Variants in INPP5F observed in about 807,000 individuals in gnomAD.
INPP5F encodes the protein phosphatidylinositide 4-phosphatase SAC2.
Under a neutral mutation model 137.2 loss-of-function variants are expected in INPP5F, and 97 were observed. The observed-to-expected ratio is 0.71, with a 90% CI of 0.60 to 0.84. The LOEUF is 0.84. INPP5F is among the 40% of genes least tolerant of loss of function. The probability of loss-of-function intolerance (pLI) is 0.00; values close to 1 mark genes in which losing one functional copy is unlikely to be tolerated. For synonymous variants in INPP5F, 504 were observed against 476.9 expected, an observed-to-expected ratio of 1.06 and a Z score of -0.74; for missense variants, 1,271 against 1,371.9, an observed-to-expected ratio of 0.93 and a Z score of 1.16.
chr10:119,784,295 G>T (rs1188248954), intron 3 of INPP5F, among the ~76,000 whole-genome samples: 3 of 152,084 alleles, frequency 2.0e-5, no homozygotes, highest in Non-Finnish European at 2.9e-5. Context: ...AGTTTTGGTG[G>T]GTGTTTCCAT....
In INPP5F at chr10:119,787,529, G is replaced by A. The variant is rs530485790; in HGVS notation, c.316-3988G>A. ...GGAGGCGGAGGTTGCAGCAAGCTGA[G>A]ATCGCGCCATTGCACTCTAGCTTGG... On this transcript the variant is annotated intron_variant, in intron 3 of 19. Transcript: ENST00000650623. This position sits in a 1 kb window ranked among gnomAD's most constrained non-coding sequence, Gnocchi z 4.1. 1.3e-5 allele frequency among the ~76,000 whole-genome samples: 2 copies of A among 151,952 alleles called. No individual in the cohort carries two copies. Among genetic ancestry groups the A allele is most frequent in the South Asian group, 4.2e-4 (2 of 4,802 alleles).
At chr10:119,826,496 T>TATC (rs1192175286) in intron 19 of INPP5F, 135 bp from the exon 20 acceptor site, 2 of 686,648 alleles carry the variant, frequency 2.9e-6, no homozygotes, top group African/African-American at 1.8e-5. Flanking sequence ...CTCTGAGGGT[T>TATC]ATCTGTCAGT....
chr10:119,827,486 A>G lies in INPP5F; in HGVS notation c.3105A>G (p.Ala1035=). The G allele has an allele frequency of 6.2e-7, 1 of 1,614,222 alleles. No individual in the cohort carries two copies. Among genetic ancestry groups the G allele is most frequent in the Non-Finnish European group, 8.5e-7 (1 of 1,180,030 alleles). ...CAGTTGAGCCAGCGCATTCAGTTGC[A>G]TCTCAAAAAACCCCCACCTCCGCTT... ...FLSVEPAHSV[A]SQKTPTSASS... Residue 1035 remains alanine (A), a synonymous_variant, in exon 20 of 20, where the codon GCA becomes GCG. Transcript: ENST00000650623.
In INPP5F at chr10:119,726,353, CG is replaced by C; in HGVS notation, c.92del (p.Arg31HisfsTer18). ...CCGCCGCGACGGCGGCCTCCAGCTC[CG>C]ACCCGGTGAGGCTGGCGGTGCGGGC... is the stretch of plus-strand genomic sequence containing the variant. Reference protein sequence around the residue: ...CSRRDGGLQLRPATDLLLAWN... With the variant: ...CSRRDGGLQLXPATDLLLAWN... On this transcript the variant is annotated frameshift_variant, in exon 1 of 20. Transcript: ENST00000650623. LOFTEE classifies it high-confidence loss of function. The C allele has an allele frequency of 7.1e-7, 1 of 1,417,212 alleles. No individual in the cohort carries two copies. 87.8% of individuals were successfully genotyped at this position (1,417,212 alleles called of 1,614,324 possible).
chr10:119,767,127 A>AAAAAAC (rs1849196010), intron 2 of INPP5F, among the ~76,000 whole-genome samples: 4 of 149,658 alleles, frequency 2.7e-5, no homozygotes, highest in African/African-American at 9.8e-5. Context: ...AAAAAAAAAA[A>AAAAAAC]AAAAAACCTA....
chr10:119,797,026 A>C (rs1412689519), intron 7 of INPP5F, 113 bp downstream of exon 7: 6 of 1,059,532 alleles, frequency 5.7e-6, no homozygotes, highest in Non-Finnish European at 8.5e-6. Flanking sequence ...GTTGGCTTCA[A>C]AGTGCTTGGG....
At chr10:119,820,100 G>C (rs1851495251) in intron 15 of INPP5F, among the ~76,000 whole-genome samples, 2 of 152,150 alleles carry the variant, frequency 1.3e-5, no homozygotes, top group Admixed American at 1.3e-4. Flanking sequence ...CCTTAATTCA[G>C]ATTCTGCCTG....
intron 16 of INPP5F, among the ~76,000 whole-genome samples, chr10:119,822,057 A>G (rs1254245381): frequency 6.6e-6 from 1 of 151,592 alleles, no homozygotes; most frequent in Non-Finnish European, 1.5e-5. Flanking sequence ...CGCCCAGCTA[A>G]TTTTGTATTT....
At chr10:119,754,285 T>C (rs1443173172) in intron 2 of INPP5F, among the ~76,000 whole-genome samples, 1 of 152,204 alleles carries the variant, frequency 6.6e-6, no homozygotes, top group East Asian at 1.9e-4. Context: ...AGAAGCTGTC[T>C]CCTACAAATA....
chr10:119,771,334 A>T (rs1362447072), intron 2 of INPP5F, among the ~76,000 whole-genome samples: 1 of 151,966 alleles, frequency 6.6e-6, no homozygotes, highest in African/African-American at 2.4e-5. Flanking sequence ...TAGATAGACT[A>T]TGTTTTGTCT....
In INPP5F at chr10:119,796,921, G is replaced by C. The variant is rs756077795; in HGVS notation, c.868+8G>C. 6.2e-7 allele frequency: 1 copy of C among 1,611,240 alleles called. No homozygotes were observed. The highest frequency in any genetic ancestry group is 8.5e-7 in the Non-Finnish European group (1 of 1,177,436). On this transcript the variant is annotated splice_region_variant and intron_variant, in intron 7 of 19. Coordinates refer to ENST00000650623, the MANE Select transcript of INPP5F (RefSeq NM_014937.4). ...GAAGTAGGCACAGAGCAGGTGAGTG[G>C]AGGGCTGTAATAGCATTCAAATCAA...
At position 119,813,763 on chromosome 10, in the gene INPP5F, G is replaced by A. The variant is rs371281502; in HGVS notation, c.1886+1808G>A. 7.2e-5 allele frequency among the ~76,000 whole-genome samples: 11 copies of A among 152,304 alleles called. No individual in the cohort carries two copies. The East Asian group carries it at 1.5e-3, about 21-fold the overall frequency. Reference sequence around the variant, plus strand: ...TGTAATCCCAGTGCTTGGGGACGCTGAGTTTGGAGGGTCACTTGAGGCCAG... The same window carrying A: ...TGTAATCCCAGTGCTTGGGGACGCTAAGTTTGGAGGGTCACTTGAGGCCAG... On this transcript the variant is annotated intron_variant, in intron 15 of 19. Coordinates refer to ENST00000650623, the MANE Select transcript of INPP5F (RefSeq NM_014937.4).
chr10:119,756,465 CT>C (rs1848844932), intron 2 of INPP5F, among the ~76,000 whole-genome samples: 1 of 151,418 alleles, frequency 6.6e-6, no homozygotes, highest in Admixed American at 6.6e-5. Flanking sequence ...GTGAAACCCC[CT>C]CTCAACTAAA....
intron 3 of INPP5F, among the ~76,000 whole-genome samples, chr10:119,783,019 A>G (rs1849760734): frequency 6.6e-6 from 1 of 152,196 alleles, no homozygotes; most frequent in African/African-American, 2.4e-5. Flanking sequence ...GGACTCTGAT[A>G]TTAATTATTT....
rs377410531 is a variant in INPP5F, at chr10:119,762,513, C to G, written c.178+11357C>G. ...GGGGATTAGGATTTCAACATACAGT[C>G]ACGGTCCTCCCTATCTGTAGGTTCC... On this transcript the variant is annotated intron_variant, in intron 2 of 19. Coordinates refer to ENST00000650623, the MANE Select transcript of INPP5F (RefSeq NM_014937.4). Among the ~76,000 whole-genome samples the G allele has an allele frequency of 2.4e-3, 358 of 152,282 alleles. 15 individuals carry two copies. In the South Asian group the frequency reaches 0.071, roughly 30 times the overall value.
chr10:119,762,313 T>TG, intron 2 of INPP5F, among the ~76,000 whole-genome samples: 1 of 152,216 alleles, frequency 6.6e-6, no homozygotes, highest in Admixed American at 6.5e-5. Flanking sequence ...TGATGTCTGG[T>TG]GAGGGGCTGC....
intron 2 of INPP5F, among the ~76,000 whole-genome samples, chr10:119,757,506 A>C (rs907044077): frequency 6.6e-6 from 1 of 152,062 alleles, no homozygotes; most frequent in Non-Finnish European, 1.5e-5. Context: ...AATGGTAGTC[A>C]AGGCCGGGCA....
intron 1 of INPP5F, among the ~76,000 whole-genome samples, chr10:119,730,158 G>A (rs1848014384): frequency 6.6e-6 from 1 of 151,922 alleles, no homozygotes; most frequent in African/African-American, 2.4e-5. Context: ...TGCCCAGGCT[G>A]GAGTGCAATG....
chr10:119,826,607 C>CT (rs1399883172), intron 19 of INPP5F, 24 bp from the exon 20 acceptor site: 1 of 1,531,858 alleles, frequency 6.5e-7, no homozygotes, highest in Non-Finnish European at 8.8e-7. Context: ...GGGGAATTAA[C>CT]TTTTTTTCTC....
Sources: allele counts gnomAD v4.1 joint callset (sites outside exome capture counted in the v4.1 genomes callset), GRCh38; gene constraint gnomAD v4.1.1; non-coding constraint Gnocchi (gnomAD v3.1); transcripts MANE v1.5; gene names NCBI Gene and HGNC (gene_info 2026-07-23, HGNC 2026-07-21).